GPM6A: variants seen among roughly 807,000 people sequenced by gnomAD.
The protein encoded by GPM6A is neuronal membrane glycoprotein M6-a.
Under a neutral mutation model 32.1 loss-of-function variants are expected in GPM6A, and 7 were observed. The observed-to-expected ratio is 0.22, with a 90% CI of 0.12 to 0.41. The LOEUF is 0.41. GPM6A is among the 10% of genes least tolerant of loss of function. The probability of loss-of-function intolerance (pLI) is 1.00; values close to 1 mark genes in which losing one functional copy is unlikely to be tolerated. For synonymous variants in GPM6A, 130 were observed against 123.4 expected (o/e 1.05, Z -0.35); for missense variants, 235 against 347.2 (o/e 0.68, Z 2.57).
chr4:175,946,667 G>A (rs893075907), intron 1 of GPM6A, among the ~76,000 whole-genome samples: 10 of 152,122 alleles, frequency 6.6e-5, no homozygotes, highest in African/African-American at 1.4e-4. Context: ...TGGAGTGTCC[G>A]AGGGATAAAG....
chr4:175,847,622 A>G (rs1474111328), intron 1 of GPM6A, among the ~76,000 whole-genome samples: 2 of 152,140 alleles, frequency 1.3e-5, no homozygotes, highest in Non-Finnish European at 2.9e-5. Context: ...GATGCTGGCA[A>G]TTTGGATACG....
intron 1 of GPM6A, among the ~76,000 whole-genome samples, chr4:175,759,265 G>A (rs1732647615): frequency 6.6e-6 from 1 of 151,604 alleles, no homozygotes; most frequent in Admixed American, 6.6e-5. Context: ...TTTGATAAAG[G>A]GAAACCAAAC....
At chr4:175,926,044 G>GT (rs1216946389) in intron 1 of GPM6A, among the ~76,000 whole-genome samples, 1 of 152,004 alleles carries the variant, frequency 6.6e-6, no homozygotes, top group Non-Finnish European at 1.5e-5. Context: ...AAGAGATGGA[G>GT]TTTTGCCTTA....
At chr4:175,780,966 G>A (rs1285838701) in intron 1 of GPM6A, among the ~76,000 whole-genome samples, 1 of 152,110 alleles carries the variant, frequency 6.6e-6, no homozygotes, top group Admixed American at 6.6e-5. Context: ...ACTTGTGGTG[G>A]AGGAATTTAG....
chr4:175,722,187 T>G (rs975110725), intron 1 of GPM6A, among the ~76,000 whole-genome samples: 1 of 151,926 alleles, frequency 6.6e-6, no homozygotes, highest in Admixed American at 6.6e-5. Flanking sequence ...CTTAGGAAGT[T>G]GAGGCAGGAG....
chr4:175,845,695 T>C (rs1392674891), intron 1 of GPM6A, among the ~76,000 whole-genome samples: 1 of 152,082 alleles, frequency 6.6e-6, no homozygotes, highest in Non-Finnish European at 1.5e-5. Flanking sequence ...TAGCTTTCTA[T>C]TTTCACAATT....
At chr4:175,737,877 A>G (rs1731725139) in intron 1 of GPM6A, among the ~76,000 whole-genome samples, 1 of 152,072 alleles carries the variant, frequency 6.6e-6, no homozygotes, top group Admixed American at 6.6e-5. Flanking sequence ...GAGGGCACCA[A>G]GCCATTCATG....
intron 3 of GPM6A, among the ~76,000 whole-genome samples, chr4:175,668,902 T>C (rs1235615510): frequency 1.3e-5 from 2 of 152,088 alleles, no homozygotes; most frequent in South Asian, 2.1e-4. Context: ...AAATAAACCA[T>C]AAAATGGTAG....
chr4:175,949,918 C>T (rs1183804769), intron 1 of GPM6A, among the ~76,000 whole-genome samples: 1 of 152,130 alleles, frequency 6.6e-6, no homozygotes, highest in Non-Finnish European at 1.5e-5. Context: ...CTTATGAGTT[C>T]TCACCACATA....
At chr4:175,967,202 G>A (rs1740358308) in intron 1 of GPM6A, among the ~76,000 whole-genome samples, 2 of 152,204 alleles carry the variant, frequency 1.3e-5, no homozygotes, top group African/African-American at 2.4e-5. Context: ...TAAAAATCAC[G>A]ATTATGACAA....
chr4:175,719,424 C>G (rs192326963), intron 1 of GPM6A, among the ~76,000 whole-genome samples: 2 of 151,870 alleles, frequency 1.3e-5, no homozygotes, highest in Non-Finnish European at 2.9e-5. Flanking sequence ...GGTCTTGATC[C>G]CTTGACCTCA....
intron 6 of GPM6A, 27 bp from the exon 7 acceptor site, chr4:175,635,084 T>C (rs1740503338): frequency 2.5e-6 from 4 of 1,594,928 alleles, no homozygotes; most frequent in Middle Eastern, 1.7e-4. Context: ...ATAATTTATA[T>C]TGGAAGTTTG....
intron 4 of GPM6A, among the ~76,000 whole-genome samples, chr4:175,642,652 CCTT>C (rs1741215601): frequency 6.6e-6 from 1 of 151,822 alleles, no homozygotes; most frequent in South Asian, 2.1e-4. Context: ...CTCATTGGCT[CCTT>C]CTTCTCATAT....
chr4:175,774,940 TG>T (rs201594255), intron 1 of GPM6A, among the ~76,000 whole-genome samples: 3,067 of 152,248 alleles, frequency 0.02, 55 homozygotes, highest in Non-Finnish European at 0.031. Flanking sequence ...AAATAATTTT[TG>T]TTTCTAAATA....
intron 1 of GPM6A, among the ~76,000 whole-genome samples, chr4:175,741,276 T>C (rs1013802586): frequency 1.3e-5 from 2 of 152,062 alleles, no homozygotes; most frequent in African/African-American, 4.8e-5. Flanking sequence ...GCTCTGTTTA[T>C]TTGAATTTCA....
At chr4:175,676,038 T>A (rs568057666) in intron 2 of GPM6A, among the ~76,000 whole-genome samples, 2 of 152,080 alleles carry the variant, frequency 1.3e-5, no homozygotes, top group Non-Finnish European at 2.9e-5. Context: ...GTTCTTGTGA[T>A]AGTGAGTGAG....
intron 2 of GPM6A, among the ~76,000 whole-genome samples, chr4:175,685,314 T>G (rs1743918150): frequency 6.6e-6 from 1 of 152,234 alleles, no homozygotes; most frequent in African/African-American, 2.4e-5. Flanking sequence ...AACATTTTGA[T>G]AATCCTCAAC....
At chr4:175,692,522 C>T (rs1292252841) in intron 2 of GPM6A, among the ~76,000 whole-genome samples, 1 of 151,838 alleles carries the variant, frequency 6.6e-6, no homozygotes, top group Non-Finnish European at 1.5e-5. Context: ...TTTATATTTT[C>T]CCTGTTTTTA....
intron 1 of GPM6A, among the ~76,000 whole-genome samples, chr4:175,807,924 T>C (rs575537697): frequency 1.3e-5 from 2 of 152,334 alleles, no homozygotes; most frequent in East Asian, 3.9e-4. Context: ...TCAATTAATC[T>C]ATTTGGTATT....
Sources: allele counts gnomAD v4.1 joint callset (sites outside exome capture counted in the v4.1 genomes callset), GRCh38; gene constraint gnomAD v4.1.1; transcripts MANE v1.5; gene names NCBI Gene and HGNC (gene_info 2026-07-23, HGNC 2026-07-21).